Variants in AFAP1 observed in about 807,000 individuals in gnomAD.
AFAP1 encodes actin filament associated protein 1, also known as actin filament-associated protein 1.
In AFAP1, 75 loss-of-function variants were observed where a neutral mutation model predicts 93.9. The observed-to-expected ratio is 0.80, with a 90% CI of 0.66 to 0.97. The LOEUF (loss-of-function observed/expected upper bound fraction) is 0.97, where lower values mean the gene tolerates loss of function less well. Among genes scored for constraint, AFAP1 ranks in the 50% least tolerant of loss-of-function variants. AFAP1 has a pLI of 0.00. For missense variants in AFAP1, 1,201 were observed against 1,050.8 expected, an observed-to-expected ratio of 1.14 and a Z score of -1.98; for synonymous variants, 517 against 430.7, an observed-to-expected ratio of 1.20 and a Z score of -2.48.
intron 1 of AFAP1, among the ~76,000 whole-genome samples, chr4:7,935,316 T>C (rs914377638): frequency 9.8e-5 from 15 of 152,348 alleles, no homozygotes; most frequent in Admixed American, 8.5e-4. Flanking sequence ...AGAAAAGTAC[T>C]TGGACTTAAC....
chr4:7,838,631 G>A lies in AFAP1; in HGVS notation c.619C>T (p.Pro207Ser). ...PLQGCNITYI[P>S]KDSKKKKHEL... ...TGCTTCTTCTTTTTGCTGTCTTTCG[G>A]GATGTACGTAATGTTACAGCCTTGG... The change falls in exon 6 of 18, where the codon CCG becomes TCG. Residue 207 changes from proline (P) to serine (S), a missense_variant. By Grantham distance (74) the Pro-to-Ser change is moderately conservative (BLOSUM62 -1). Coordinates refer to ENST00000420658, the MANE Select transcript of AFAP1 (RefSeq NM_001134647.2). 6.2e-7 allele frequency: 1 copy of A among 1,614,130 alleles called. No individual in the cohort carries two copies. Among genetic ancestry groups the A allele is most frequent in the Non-Finnish European group, 8.5e-7 (1 of 1,180,028 alleles).
intron 15 of AFAP1, chr4:7,773,278 G>T: frequency 2.3e-6 from 1 of 426,682 alleles, no homozygotes; most frequent in South Asian, 3.4e-5. Context: ...TCCTGGCTCT[G>T]GGCCTCAATG....
chr4:7,797,750 G>A (rs1177066210), intron 10 of AFAP1, among the ~76,000 whole-genome samples: 2 of 152,214 alleles, frequency 1.3e-5, no homozygotes, highest in Non-Finnish European at 2.9e-5. Context: ...TTTCCTGACT[G>A]TGATCATATT....
At chr4:7,798,777 G>T in intron 10 of AFAP1, 1 of 553,574 alleles carries the variant, frequency 1.8e-6, no homozygotes, top group Non-Finnish European at 2.3e-6. Context: ...TGTGCCCCCA[G>T]CAATGGCAGG....
chr4:7,883,572 T>TA (rs1164022125), intron 1 of AFAP1, among the ~76,000 whole-genome samples: 1 of 151,840 alleles, frequency 6.6e-6, no homozygotes, highest in Non-Finnish European at 1.5e-5. Context: ...ATCAGAAACT[T>TA]AAAAAAAATT....
chr4:7,883,543 A>G (rs1243663272), intron 1 of AFAP1, among the ~76,000 whole-genome samples: 1 of 152,194 alleles, frequency 6.6e-6, no homozygotes, highest in Non-Finnish European at 1.5e-5. Context: ...TAGTCAAAGC[A>G]ATAAGAAAAG....
chr4:7,890,172 GT>G (rs1352466990), intron 1 of AFAP1, among the ~76,000 whole-genome samples: 2 of 152,192 alleles, frequency 1.3e-5, no homozygotes, highest in Non-Finnish European at 2.9e-5. Context: ...TATCAATACA[GT>G]GTGGTATTGG....
At chr4:7,873,712 C>T (rs1310948625) in intron 1 of AFAP1, among the ~76,000 whole-genome samples, 2 of 152,050 alleles carry the variant, frequency 1.3e-5, no homozygotes, top group Non-Finnish European at 2.9e-5. Flanking sequence ...CTCCTGCACA[C>T]GAAATACCAC....
intron 6 of AFAP1, among the ~76,000 whole-genome samples, chr4:7,834,521 A>T (rs548558219): frequency 4.6e-5 from 7 of 152,370 alleles, no homozygotes; most frequent in South Asian, 4.1e-4. Flanking sequence ...TTTAAAAAAA[A>T]TTTTTTTCAA....
chr4:7,879,690 G>T (rs1717729193), intron 1 of AFAP1, among the ~76,000 whole-genome samples: 1 of 138,896 alleles, frequency 7.2e-6, no homozygotes, highest in South Asian at 2.3e-4. Context: ...AATTATCTCT[G>T]CTTGCTTGCT....
chr4:7,856,111 C>G (rs1016086276), intron 3 of AFAP1, among the ~76,000 whole-genome samples: 1 of 152,150 alleles, frequency 6.6e-6, no homozygotes, highest in Non-Finnish European at 1.5e-5. Context: ...TGAGGCTTGC[C>G]CACATTCTCA....
intron 17 of AFAP1, among the ~76,000 whole-genome samples, chr4:7,767,162 G>C (rs1164242475): frequency 6.6e-6 from 1 of 152,202 alleles, no homozygotes; most frequent in Admixed American, 6.5e-5. Context: ...TTCTCAGCTG[G>C]AGGGACGAGA....
At chr4:7,807,700 TC>T (rs1339683101) in intron 9 of AFAP1, among the ~76,000 whole-genome samples, 1 of 152,238 alleles carries the variant, frequency 6.6e-6, no homozygotes, top group Admixed American at 6.5e-5. Context: ...CATGACGCCT[TC>T]ACTGCTGTCT....
At chr4:7,857,870 G>T (rs540557156) in intron 3 of AFAP1, among the ~76,000 whole-genome samples, 2 of 149,454 alleles carry the variant, frequency 1.3e-5, no homozygotes, top group East Asian at 5.0e-4. Context: ...GAATCGATGG[G>T]GTTCTGAGCA....
intron 16 of AFAP1, among the ~76,000 whole-genome samples, chr4:7,771,015 C>T (rs981072366): frequency 1.3e-5 from 2 of 152,216 alleles, no homozygotes; most frequent in African/African-American, 4.8e-5. Flanking sequence ...TGGGGTTGTC[C>T]AAGGCACCTC....
At chr4:7,845,026 A>G (rs1455686577) in intron 4 of AFAP1, among the ~76,000 whole-genome samples, 1 of 152,252 alleles carries the variant, frequency 6.6e-6, no homozygotes, top group African/African-American at 2.4e-5. Context: ...TTTAAGTTGT[A>G]CTCAGTAATC....
chr4:7,811,700 G>A (rs528942035), intron 8 of AFAP1, among the ~76,000 whole-genome samples: 2 of 152,180 alleles, frequency 1.3e-5, no homozygotes, highest in African/African-American at 2.4e-5. Context: ...AGGCGCGGGA[G>A]GGGAGCCGCC....
chr4:7,871,931 A>C (rs373516860), intron 2 of AFAP1, 21 bp downstream of exon 2: 2 of 1,612,918 alleles, frequency 1.2e-6, no homozygotes, highest in Middle Eastern at 1.7e-4. Context: ...AAGGAAAAGC[A>C]GGCGTCAGAA....
chr4:7,932,546 C>T (rs1560243107), intron 1 of AFAP1, among the ~76,000 whole-genome samples: 1 of 152,192 alleles, frequency 6.6e-6, no homozygotes, highest in Non-Finnish European at 1.5e-5. Context: ...CCAAATTCCC[C>T]ATATGGGTGT....
Sources: gnomAD v4.1 joint callset for allele counts (sites outside exome capture counted in the v4.1 genomes callset) on GRCh38, gnomAD v4.1.1 for gene constraint, MANE v1.5 for transcripts, NCBI Gene and HGNC (gene_info 2026-07-23, HGNC 2026-07-21) for gene names.